Variants in SIPA1L2 observed in about 807,000 individuals in gnomAD.
The protein encoded by SIPA1L2 is signal-induced proliferation-associated 1-like protein 2.
In SIPA1L2, 56 loss-of-function variants were observed where a neutral mutation model predicts 163.9. The observed-to-expected ratio is 0.34, with a 90% CI of 0.28 to 0.43. SIPA1L2 has a LOEUF of 0.43. Among genes scored for constraint, SIPA1L2 ranks in the 20% least tolerant of loss-of-function variants. SIPA1L2 has a pLI of 1.00. For synonymous variants in SIPA1L2, 877 were observed against 865.7 expected, an observed-to-expected ratio of 1.01 and a Z score of -0.23; for missense variants, 1,974 against 2,193.5, an observed-to-expected ratio of 0.90 and a Z score of 2.00.
At chr1:232,596,822 G>A (rs917167514) in intron 1 of SIPA1L2, among the ~76,000 whole-genome samples, 1 of 152,054 alleles carries the variant, frequency 6.6e-6, no homozygotes, top group African/African-American at 2.4e-5. Context: ...TTAACTCTGG[G>A]ACTCTTCCAC....
chr1:232,565,196 T>C (rs139438670), intron 2 of SIPA1L2, among the ~76,000 whole-genome samples: 24 of 152,364 alleles, frequency 1.6e-4, no homozygotes, highest in African/African-American at 3.4e-4. Context: ...AAACCTTAGA[T>C]AGGTGAAGTA....
At chr1:232,618,695 A>C (rs1662637534) in intron 1 of SIPA1L2, among the ~76,000 whole-genome samples, 2 of 152,152 alleles carry the variant, frequency 1.3e-5, no homozygotes, top group Non-Finnish European at 2.9e-5. Context: ...CATAATTTTA[A>C]AATAAATCAC....
chr1:232,458,885 C>G (rs1251726350), intron 10 of SIPA1L2, among the ~76,000 whole-genome samples: 1 of 152,142 alleles, frequency 6.6e-6, no homozygotes, highest in Non-Finnish European at 1.5e-5. Flanking sequence ...CATAGCAGTA[C>G]ATGTGATTCA....
intron 3 of SIPA1L2, among the ~76,000 whole-genome samples, chr1:232,501,896 C>T (rs534121779): frequency 1.5e-3 from 222 of 152,308 alleles, no homozygotes; most frequent in African/African-American, 5.1e-3. Context: ...GCTCTTCTAC[C>T]TGCTTTCATA....
chr1:232,411,726 T>C (rs1660968128), intron 19 of SIPA1L2, among the ~76,000 whole-genome samples: 1 of 152,202 alleles, frequency 6.6e-6, no homozygotes, highest in Non-Finnish European at 1.5e-5. Context: ...CTGAAACATA[T>C]TTTTCTTTAA....
At chr1:232,423,368 T>C (rs1275287795) in intron 18 of SIPA1L2, among the ~76,000 whole-genome samples, 1 of 152,180 alleles carries the variant, frequency 6.6e-6, no homozygotes, top group Non-Finnish European at 1.5e-5. Context: ...GCCAGGGAAC[T>C]AGAGGCCTCC....
chr1:232,446,003 T>C (rs1158438691), intron 10 of SIPA1L2, among the ~76,000 whole-genome samples: 2 of 152,184 alleles, frequency 1.3e-5, no homozygotes, highest in Non-Finnish European at 2.9e-5. Context: ...AATGACTGCG[T>C]CTAGAAATGA....
At chr1:232,429,623 A>AG (rs1488339649) in intron 16 of SIPA1L2, among the ~76,000 whole-genome samples, 36 of 151,670 alleles carry the variant, frequency 2.4e-4, no homozygotes, top group Non-Finnish European at 4.6e-4. Flanking sequence ...AAAAAAAAAA[A>AG]GAAGCATTTC....
At chr1:232,458,991 T>G (rs909711641) in intron 10 of SIPA1L2, among the ~76,000 whole-genome samples, 3 of 152,194 alleles carry the variant, frequency 2.0e-5, no homozygotes, top group African/African-American at 7.2e-5. Context: ...CAGAGAAAAC[T>G]TAGTTTCTTA....
intron 10 of SIPA1L2, among the ~76,000 whole-genome samples, chr1:232,446,419 A>G (rs1373408815): frequency 6.6e-6 from 1 of 152,190 alleles, no homozygotes; most frequent in East Asian, 1.9e-4. Context: ...AATGTCCATT[A>G]TCTTGTTTGT....
chr1:232,432,295 G>C lies in SIPA1L2; in HGVS notation c.4208C>G (p.Ser1403Trp). 1 of 1,614,020 alleles carries C rather than the reference G, an allele frequency of 6.2e-7. No homozygotes were observed. Among genetic ancestry groups the C allele is most frequent in the Non-Finnish European group, 8.5e-7 (1 of 1,179,998 alleles). Residue 1403 changes from serine (S) to tryptophan (W), a missense_variant, in exon 16 of 23, where the codon TCG (serine) becomes TGG (tryptophan). Ser to Trp is a radical substitution (Grantham distance 177). This residue lies in a region of SIPA1L2 where 1,079 missense variants were observed against 1,150.7 expected (regional missense o/e 0.94). Transcript: ENST00000674635. The stretch of plus-strand genomic sequence containing the variant: ...CTCCTCGGGCGGTGGGCTGCCCTCC[G>C]ATTTCTTCCAGCCGATGACATATTT... ...VNKYVIGWKK[S>W]EGSPPPEEPE...
chr1:232,581,060 G>A (rs576135360), intron 1 of SIPA1L2, among the ~76,000 whole-genome samples: 1 of 152,168 alleles, frequency 6.6e-6, no homozygotes, highest in South Asian at 2.1e-4. Flanking sequence ...CTCCACCCAT[G>A]TTCCTGACCT....
chr1:232,537,488 TAA>T (rs537233891), intron 2 of SIPA1L2, among the ~76,000 whole-genome samples: 1 of 147,100 alleles, frequency 6.8e-6, no homozygotes. Flanking sequence ...ATTCAAAAGA[TAA>T]AAAAAAAATG....
At chr1:232,466,372 A>C (rs184006450) in intron 8 of SIPA1L2, among the ~76,000 whole-genome samples, 86 of 152,366 alleles carry the variant, frequency 5.6e-4, no homozygotes, top group African/African-American at 1.9e-3. Flanking sequence ...TCAAATGCAT[A>C]GTGTTAATAA....
intron 1 of SIPA1L2, among the ~76,000 whole-genome samples, chr1:232,617,647 A>G (rs974383106): frequency 6.6e-6 from 1 of 152,228 alleles, no homozygotes; most frequent in Non-Finnish European, 1.5e-5. Context: ...CCCTAAAAAA[A>G]AAAGGAACAA....
intron 6 of SIPA1L2, among the ~76,000 whole-genome samples, chr1:232,483,180 A>G (rs1452534441): frequency 6.6e-6 from 1 of 152,152 alleles, no homozygotes; most frequent in East Asian, 1.9e-4. Context: ...TCAATCCGCC[A>G]CTGTACAGCT....
chr1:232,461,190 C>T (rs1363258132), intron 9 of SIPA1L2, 29 bp from the exon 10 acceptor site: 3 of 1,600,340 alleles, frequency 1.9e-6, no homozygotes, highest in African/African-American at 2.7e-5. Context: ...GTTAGAGATG[C>T]CCTTCCTGCC....
At chr1:232,612,213 G>A (rs1002010263) in intron 1 of SIPA1L2, among the ~76,000 whole-genome samples, 1 of 152,250 alleles carries the variant, frequency 6.6e-6, no homozygotes, top group Non-Finnish European at 1.5e-5. Context: ...GAAGTTTGCT[G>A]TAGGGGCAGG....
chr1:232,479,849 G>A (rs1224599537), intron 6 of SIPA1L2, 119 bp from the exon 7 acceptor site: 2 of 725,006 alleles, frequency 2.8e-6, no homozygotes, highest in Non-Finnish European at 4.7e-6. Context: ...TACCCAACCA[G>A]TATCTGGATG....
Sources: allele counts gnomAD v4.1 joint callset (sites outside exome capture counted in the v4.1 genomes callset), GRCh38; gene constraint gnomAD v4.1.1; regional missense constraint gnomAD v4.1.1; transcripts MANE v1.5; gene names NCBI Gene and HGNC (gene_info 2026-07-23, HGNC 2026-07-21).